Variants in RCHY1 observed in about 807,000 individuals in gnomAD.
RCHY1 encodes ring finger and CHY zinc finger domain containing 1, also known as RING finger and CHY zinc finger domain-containing protein 1.
RCHY1 carries 21 observed loss-of-function variants against 41.6 expected under a neutral mutation model. That is an observed-to-expected ratio of 0.51 (90% CI 0.36 to 0.73). The LOEUF is 0.73. RCHY1 is among the 30% of genes least tolerant of loss of function. The pLI is 0.00. For missense variants in RCHY1, 265 were observed against 325.3 expected, an observed-to-expected ratio of 0.81 and a Z score of 1.43; for synonymous variants, 79 against 102.9, an observed-to-expected ratio of 0.77 and a Z score of 1.41.
chr4:75,485,820 G>A lies in RCHY1; in HGVS notation c.658-3154C>T, dbSNP rs144308243. 8.1e-3 allele frequency among the ~76,000 whole-genome samples: 1,226 copies of A among 152,298 alleles called. 19 individuals carry two copies. Among genetic ancestry groups the A allele is most frequent in the African/African-American group, 0.028 (1,171 of 41,564 alleles). On this transcript the variant is annotated intron_variant, in intron 8 of 8. Coordinates refer to ENST00000324439, the MANE Select transcript of RCHY1 (RefSeq NM_015436.4). The stretch of plus-strand genomic sequence containing the variant: ...CTAAGATCTGCTTCTGTCTGTGTCT[G>A]TATTCCTATAGGTGTTATGTGTATG...
intron 3 of RCHY1, among the ~76,000 whole-genome samples, chr4:75,497,150 T>G (rs1382285223): frequency 6.6e-6 from 1 of 151,962 alleles, no homozygotes; most frequent in Non-Finnish European, 1.5e-5. Flanking sequence ...CGAAATGAAA[T>G]AGGAAGAAAA....
At chr4:75,505,748 A>T (rs1724237027) in intron 3 of RCHY1, among the ~76,000 whole-genome samples, 1 of 152,238 alleles carries the variant, frequency 6.6e-6, no homozygotes, top group South Asian at 2.1e-4. Context: ...GAAAAACTCA[A>T]TTTAAAGAAA....
chr4:75,503,882 C>T (rs900263568), intron 3 of RCHY1, among the ~76,000 whole-genome samples: 1 of 151,770 alleles, frequency 6.6e-6, no homozygotes, highest in Admixed American at 6.6e-5. Flanking sequence ...AGTGGACAAA[C>T]GTTGAAGGCA....
chr4:75,491,473 T>G, intron 7 of RCHY1, 138 bp downstream of exon 7: 1 of 687,368 alleles, frequency 1.5e-6, no homozygotes. Context: ...TTAACAATAT[T>G]CATCTACCCT....
intron 3 of RCHY1, among the ~76,000 whole-genome samples, chr4:75,497,245 A>C (rs896490182): frequency 7.2e-5 from 11 of 152,172 alleles, no homozygotes; most frequent in African/African-American, 2.7e-4. Context: ...GTTGAGCCTA[A>C]CGCTGCCTCC....
chr4:75,503,427 T>C lies in RCHY1; in HGVS notation c.326+5393A>G, dbSNP rs140346997. 8.9e-3 allele frequency among the ~76,000 whole-genome samples: 1,353 copies of C among 152,322 alleles called. 12 individuals carry two copies. The highest frequency in any genetic ancestry group is 0.012 in the Non-Finnish European group (837 of 68,034). On this transcript the variant is annotated intron_variant, in intron 3 of 8. Coordinates refer to ENST00000324439, the MANE Select transcript of RCHY1 (RefSeq NM_015436.4). ...AAGAAAATATGGTGGCCAGGCACAG[T>C]GGCTCACACCTGTAATTCCAGCATT...
Position 75,508,756 on chromosome 4 carries a change from T to C in RCHY1, c.326+64A>G, listed in dbSNP as rs1309861261. On this transcript the variant is annotated intron_variant, in intron 3 of 8. Coordinates refer to ENST00000324439, the MANE Select transcript of RCHY1 (RefSeq NM_015436.4). ...GTAAATTACACCTTAATAAAGTTGA[T>C]TTTAAAAACTATTATTGCATATACA... 5 of 898,896 alleles carry C rather than the reference T, an allele frequency of 5.6e-6. No individual in the cohort carries two copies. The African/African-American group carries it at 6.9e-5, about 12-fold the overall frequency. 55.7% of individuals were successfully genotyped at this position (898,896 alleles called of 1,614,324 possible).
At chr4:75,492,995 A>G (rs1560518061) in intron 4 of RCHY1, among the ~76,000 whole-genome samples, 1 of 151,992 alleles carries the variant, frequency 6.6e-6, no homozygotes, top group African/African-American at 2.4e-5. Context: ...GGCATCTCTG[A>G]GTTGATGGAA....
intron 3 of RCHY1, among the ~76,000 whole-genome samples, chr4:75,503,507 T>C (rs1355494918): frequency 2.0e-5 from 3 of 152,064 alleles, no homozygotes; most frequent in Admixed American, 6.5e-5. Flanking sequence ...CCATCCTGGC[T>C]AACAAAGTGA....
intron 8 of RCHY1, among the ~76,000 whole-genome samples, chr4:75,489,161 T>C (rs533630950): frequency 6.6e-6 from 1 of 152,092 alleles, no homozygotes; most frequent in Middle Eastern, 3.2e-3. Context: ...TATATAAAAT[T>C]TATATATATT....
chr4:75,491,896 C>T lies in RCHY1; in HGVS notation c.443G>A (p.Cys148Tyr). The T allele has an allele frequency of 6.2e-7, 1 of 1,608,502 alleles. No homozygotes were observed. The highest frequency in any genetic ancestry group is 8.5e-7 in the Non-Finnish European group (1 of 1,177,824). The change falls in exon 5 of 9, where the codon TGT (cysteine) becomes TAT (tyrosine). Residue 148 changes from cysteine to tyrosine, a missense_variant. Cys to Tyr is a radical substitution (Grantham distance 194). Coordinates refer to ENST00000324439, the MANE Select transcript of RCHY1 (RefSeq NM_015436.4). ...ENVSRQNCPICLEDIHTSRVV... is the reference protein window; with the variant it reads ...ENVSRQNCPIYLEDIHTSRVV... Reference sequence around the variant, plus strand: ...AAAATATTTTAAGCCTACCTCCAAACATATTGGACAATTCTGTCGGGACAC... The same window carrying T: ...AAAATATTTTAAGCCTACCTCCAAATATATTGGACAATTCTGTCGGGACAC...
chr4:75,482,304 A>G lies in RCHY1; in HGVS notation c.*234T>C, dbSNP rs1189595600. The G allele has an allele frequency of 3.4e-6, 1 of 291,166 alleles. No individual in the cohort carries two copies. Among genetic ancestry groups the G allele is most frequent in the Non-Finnish European group, 6.3e-6 (1 of 159,648 alleles). 18.0% of individuals were successfully genotyped at this position (291,166 alleles called of 1,614,324 possible). A position where few individuals can be genotyped will look rare whatever the true frequency, so the allele number is the denominator to read the frequency against. ...CATTGGCTTCCAAAAAACTGACACT[A>G]AAGGAATTTCCAATCAAAACACAAG... is the stretch of plus-strand genomic sequence containing the variant. On this transcript the variant is annotated 3_prime_UTR_variant, in exon 9 of 9. Coordinates refer to ENST00000324439, the MANE Select transcript of RCHY1 (RefSeq NM_015436.4).
At position 75,487,642 on chromosome 4, in the gene RCHY1, C is replaced by CATA. The variant is rs1553917606; in HGVS notation, c.657+2936_657+2938dup. 2.2e-4 allele frequency among the ~76,000 whole-genome samples: 2 copies of CATA among 8,890 alleles called. 1 individual carries two copies. The highest frequency in any genetic ancestry group is 4.6e-4 in the Non-Finnish European group (2 of 4,362). 5.8% of individuals were successfully genotyped at this position (8,890 alleles called of 152,430 possible). A position where few individuals can be genotyped will look rare whatever the true frequency, so the allele number is the denominator to read the frequency against. ...TATATATATTCATAATATATATATT[C>CATA]ATATATATTCATAATATATATATTC... On this transcript the variant is annotated intron_variant, in intron 8 of 8. Transcript: ENST00000324439.
chr4:75,504,218 G>A (rs7685936), intron 3 of RCHY1, among the ~76,000 whole-genome samples: 47,528 of 151,824 alleles, frequency 0.31, 7,757 homozygotes, highest in Non-Finnish European at 0.35. Context: ...TTATTTACAC[G>A]ATGCACATGT....
chr4:75,511,647 T>C (rs1054161735), intron 1 of RCHY1, among the ~76,000 whole-genome samples: 9 of 152,286 alleles, frequency 5.9e-5, no homozygotes, highest in African/African-American at 2.2e-4. Flanking sequence ...TGAGATTTGG[T>C]TAAAATTAAC....
rs1222744940 is a variant in RCHY1 at position 75,479,463 on chromosome 4, A to G, written c.*3075T>C. 2 of 152,130 alleles carry G rather than the reference A, an allele frequency of 1.3e-5. No individual in the cohort carries two copies. The highest frequency in any genetic ancestry group is 6.5e-5 in the Admixed American group (1 of 15,268). 9.4% of individuals were successfully genotyped at this position (152,130 alleles called of 1,614,324 possible). ...AAAATAAAAGGGAAATTTAACATGT[A>G]TATCATATGAAAATAGGTTTTAGTG... On this transcript the variant is annotated 3_prime_UTR_variant, in exon 9 of 9. Coordinates refer to ENST00000324439, the MANE Select transcript of RCHY1 (RefSeq NM_015436.4).
intron 1 of RCHY1, among the ~76,000 whole-genome samples, chr4:75,512,503 A>AATG (rs1165363989): frequency 6.6e-6 from 1 of 152,146 alleles, no homozygotes; most frequent in African/African-American, 2.4e-5. Context: ...ACTCAGGGAC[A>AATG]ATGCCCTTAC....
chr4:75,490,536 T>C (rs779129335), intron 8 of RCHY1, 45 bp downstream of exon 8: 2 of 1,541,674 alleles, frequency 1.3e-6, no homozygotes, highest in African/African-American at 1.4e-5. Flanking sequence ...AAAATAAGAG[T>C]GCCAACAAGG....
intron 1 of RCHY1, chr4:75,513,877 G>A (rs780731915): frequency 2.8e-5 from 6 of 216,494 alleles, no homozygotes; most frequent in African/African-American, 4.5e-5. Context: ...CACCTGAACG[G>A]AAAACCCCAG....
Sources: gnomAD v4.1 joint callset for allele counts (sites outside exome capture counted in the v4.1 genomes callset) on GRCh38, gnomAD v4.1.1 for gene constraint, MANE v1.5 for transcripts, NCBI Gene and HGNC (gene_info 2026-07-23, HGNC 2026-07-21) for gene names.